Variants in NOX3 observed in about 807,000 individuals in gnomAD.
The protein encoded by NOX3 is NADPH oxidase catalytic subunit-like 3.
NOX3 carries 74 observed loss-of-function variants against 76.7 expected under a neutral mutation model. The observed-to-expected ratio is 0.96, with a 90% CI of 0.80 to 1.17. The LOEUF is 1.17. NOX3 is among the 50% of genes most tolerant of loss of function. The probability of loss-of-function intolerance (pLI) is 0.00; values close to 1 mark genes in which losing one functional copy is unlikely to be tolerated. For missense variants in NOX3, 695 were observed against 703.3 expected, an observed-to-expected ratio of 0.99 and a Z score of 0.13; for synonymous variants, 263 against 261.1, an observed-to-expected ratio of 1.01 and a Z score of -0.07.
chr6:155,452,176 T>C (rs1052094747), intron 4 of NOX3, among the ~76,000 whole-genome samples: 1 of 152,214 alleles, frequency 6.6e-6, no homozygotes, highest in African/African-American at 2.4e-5. Flanking sequence ...TCACCCATGA[T>C]GGGGAATTCA....
intron 10 of NOX3, among the ~76,000 whole-genome samples, chr6:155,420,881 T>C (rs1394813691): frequency 6.6e-6 from 1 of 152,224 alleles, no homozygotes; most frequent in Non-Finnish European, 1.5e-5. Context: ...TAGATAATCA[T>C]CTATATTTCT....
chr6:155,434,604 G>A (rs1776877316), intron 7 of NOX3, among the ~76,000 whole-genome samples: 1 of 152,176 alleles, frequency 6.6e-6, no homozygotes, highest in African/African-American at 2.4e-5. Flanking sequence ...CAAGAATGCA[G>A]TTCTTTCTAA....
intron 3 of NOX3, among the ~76,000 whole-genome samples, 156 bp downstream of exon 3, chr6:155,454,655 C>T (rs539711999): frequency 1.6e-4 from 25 of 152,320 alleles, no homozygotes; most frequent in African/African-American, 5.5e-4. Flanking sequence ...TACTGATTAC[C>T]GTTTTTCTGT....
In NOX3 at chr6:155,436,483, G is replaced by C; in HGVS notation, c.733C>G (p.Arg245Gly). 6.2e-7 allele frequency: 1 copy of C among 1,613,800 alleles called. No homozygotes were observed. Among genetic ancestry groups the C allele is most frequent in the Non-Finnish European group, 8.5e-7 (1 of 1,179,702 alleles). ...SLHNITFCRD[R>G]YAEWQTVAQC... ...GCCACTGTCTGCCATTCTGCATAGCGGTCTCTACAGAAGGTGATGTTGTGC... is the reference window on the plus strand; with the variant it reads ...GCCACTGTCTGCCATTCTGCATAGCCGTCTCTACAGAAGGTGATGTTGTGC... Residue 245 changes from arginine to glycine, a missense_variant, in exon 7 of 14, where the codon CGC becomes GGC. Coordinates refer to ENST00000159060, the MANE Select transcript of NOX3 (RefSeq NM_015718.3).
At chr6:155,405,707 C>T (rs1317906394) in intron 12 of NOX3, among the ~76,000 whole-genome samples, 1 of 152,148 alleles carries the variant, frequency 6.6e-6, no homozygotes, top group Non-Finnish European at 1.5e-5. Flanking sequence ...CACATCCCAT[C>T]CATAGTCAAT....
intron 11 of NOX3, among the ~76,000 whole-genome samples, chr6:155,409,123 G>A (rs559258584): frequency 3.3e-5 from 5 of 152,322 alleles, no homozygotes; most frequent in East Asian, 3.9e-4. Flanking sequence ...AATCCAGGTC[G>A]TAGGAAGTTG....
chr6:155,401,802 A>T (rs1400846759), intron 12 of NOX3, among the ~76,000 whole-genome samples: 1 of 152,074 alleles, frequency 6.6e-6, no homozygotes, highest in African/African-American at 2.4e-5. Context: ...AAAAAAAAAA[A>T]AAAAATGACC....
chr6:155,402,238 C>T (rs1339591249), intron 12 of NOX3, among the ~76,000 whole-genome samples: 1 of 152,060 alleles, frequency 6.6e-6, no homozygotes, highest in African/African-American at 2.4e-5. Context: ...ATTTAATTAG[C>T]CTACTATATT....
intron 6 of NOX3, 88 bp downstream of exon 6, chr6:155,439,868 G>A: frequency 2.4e-6 from 3 of 1,231,960 alleles, no homozygotes; most frequent in Non-Finnish European, 2.2e-6. Context: ...GTCACCGCAC[G>A]CCGGCTCCTT....
chr6:155,405,218 A>G (rs566513350), intron 12 of NOX3, among the ~76,000 whole-genome samples: 35 of 152,204 alleles, frequency 2.3e-4, no homozygotes, highest in Non-Finnish European at 3.4e-4. Context: ...ATATGGAAGC[A>G]GTCAGAGGTA....
chr6:155,414,623 C>CTTTTTTTTTTTTTTTTTTTTTTTTTTT (rs72348061), intron 10 of NOX3, among the ~76,000 whole-genome samples: 5 of 113,790 alleles, frequency 4.4e-5, no homozygotes, highest in African/African-American at 1.0e-4. Flanking sequence ...TCTTTTCTTT[C>CTTTTTTTTTTTTTTTTTTTTTTTTTTT]TTTTTTTTTT....
intron 12 of NOX3, among the ~76,000 whole-genome samples, chr6:155,401,609 C>G (rs1041976174): frequency 6.6e-6 from 1 of 152,160 alleles, no homozygotes; most frequent in Non-Finnish European, 1.5e-5. Context: ...GGTATTTTCA[C>G]GTTTCTGAAA....
chr6:155,440,403 T>C (rs1776968232), intron 5 of NOX3, among the ~76,000 whole-genome samples: 1 of 151,882 alleles, frequency 6.6e-6, no homozygotes, highest in African/African-American at 2.4e-5. Flanking sequence ...TACCATTTCA[T>C]CAATCACATT....
intron 4 of NOX3, among the ~76,000 whole-genome samples, chr6:155,444,988 A>G (rs1416685409): frequency 6.6e-6 from 1 of 152,200 alleles, no homozygotes; most frequent in Admixed American, 6.5e-5. Flanking sequence ...GGAGCTTTCT[A>G]ATTCTGGGAC....
chr6:155,413,226 T>G (rs1457407229), intron 10 of NOX3, among the ~76,000 whole-genome samples: 1 of 150,872 alleles, frequency 6.6e-6, no homozygotes, highest in African/African-American at 2.4e-5. Context: ...AATGCTTAGG[T>G]GGGAAGTGCA....
At position 155,434,221 on chromosome 6, in the gene NOX3, T is replaced by G. The variant is rs148462384; in HGVS notation, c.798+2197A>C. On this transcript the variant is annotated intron_variant, in intron 7 of 13. Coordinates refer to ENST00000159060, the MANE Select transcript of NOX3 (RefSeq NM_015718.3). Reference sequence around the variant, plus strand: ...TGAAGTTCGCTGAATTGACTCTACCTCCATCAGGGCTTTCTCCTTTACCAC... The same window carrying G: ...TGAAGTTCGCTGAATTGACTCTACCGCCATCAGGGCTTTCTCCTTTACCAC... Among the ~76,000 whole-genome samples, 565 of 152,332 alleles carry G rather than the reference T, an allele frequency of 3.7e-3. 6 individuals carry two copies. The highest frequency in any genetic ancestry group is 4.7e-3 in the Non-Finnish European group (318 of 68,030).
intron 9 of NOX3, among the ~76,000 whole-genome samples, 156 bp downstream of exon 9, chr6:155,428,638 C>T (rs546473291): frequency 6.8e-6 from 1 of 147,086 alleles, no homozygotes; most frequent in Non-Finnish European, 1.5e-5. Context: ...TAGAAGTCTA[C>T]AAAATTATAC....
intron 4 of NOX3, among the ~76,000 whole-genome samples, chr6:155,451,534 G>A (rs368357110): frequency 2.3e-4 from 35 of 152,260 alleles, no homozygotes; most frequent in African/African-American, 7.7e-4. Flanking sequence ...ATTGATACAC[G>A]ATTACATATA....
intron 4 of NOX3, among the ~76,000 whole-genome samples, chr6:155,447,746 G>A (rs1459519417): frequency 1.3e-5 from 2 of 152,150 alleles, no homozygotes; most frequent in African/African-American, 2.4e-5. Flanking sequence ...AACTGCTTAT[G>A]CCGATTTTGT....
Sources: gnomAD v4.1 joint callset for allele counts (sites outside exome capture counted in the v4.1 genomes callset) on GRCh38, gnomAD v4.1.1 for gene constraint, MANE v1.5 for transcripts, NCBI Gene and HGNC (gene_info 2026-07-23, HGNC 2026-07-21) for gene names.